The following CHD7 variants were observed in gnomAD, a reference collection of about 807,000 sequenced individuals.
CHD7 encodes the protein ATP-dependent chromatin remodeler CHD7.
In CHD7, 24 loss-of-function variants were observed where a neutral mutation model predicts 307.3. The observed-to-expected ratio is 0.08, with a 90% CI of 0.06 to 0.11. The LOEUF is 0.11. Ranked by LOEUF, CHD7 falls within the 10% of genes least tolerant of loss-of-function variation. The pLI, the probability that CHD7 is intolerant of heterozygous loss-of-function variation, is 1.00. For missense variants in CHD7, 3,106 were observed against 3,727.1 expected (o/e 0.83, Z 4.34); for synonymous variants, 1,363 against 1,349.9 (o/e 1.01, Z -0.21).
At chr8:60,743,508 C>T (rs1488656237) in intron 2 of CHD7, among the ~76,000 whole-genome samples, 2 of 152,182 alleles carry the variant, frequency 1.3e-5, no homozygotes, top group Non-Finnish European at 2.9e-5. Context: ...GTGGTAGTCT[C>T]CTCCATCTCT....
At chr8:60,748,418 G>T (rs1202984016) in intron 2 of CHD7, among the ~76,000 whole-genome samples, 1 of 152,298 alleles carries the variant, frequency 6.6e-6, no homozygotes, top group South Asian at 2.1e-4. Flanking sequence ...ATGGTCCTGG[G>T]CCCATGGCAC....
intron 1 of CHD7, among the ~76,000 whole-genome samples, chr8:60,707,361 C>T (rs1018965942): frequency 6.6e-6 from 1 of 152,188 alleles, no homozygotes; most frequent in Non-Finnish European, 1.5e-5. Flanking sequence ...AAGGAATTTG[C>T]TTGCTTTCCC....
At chr8:60,740,906 A>G (rs928227587) in intron 1 of CHD7, among the ~76,000 whole-genome samples, 1 of 152,172 alleles carries the variant, frequency 6.6e-6, no homozygotes, top group Non-Finnish European at 1.5e-5. Context: ...GCTTGGCTAT[A>G]TTCATACATC....
chr8:60,742,822 A>T lies in CHD7; in HGVS notation c.1390A>T (p.Met464Leu), dbSNP rs1316655280. ...NMQQSRPFIG[M>L]SSAPRELTGH... The stretch of plus-strand genomic sequence containing the variant: ...GCAGCAGTCTCGTCCATTTATAGGC[A>T]TGTCCTCGGCACCAAGGGAATTGAC... The change falls in exon 2 of 38, where the codon ATG becomes TTG. Residue 464 changes from methionine (M) to leucine (L), a missense_variant. Transcript: ENST00000423902. 6.2e-7 allele frequency: 1 copy of T among 1,613,718 alleles called. No homozygotes were observed. The highest frequency in any genetic ancestry group is 1.7e-5 in the Admixed American group (1 of 59,968).
At chr8:60,853,576 G>GAGATCTA in intron 31 of CHD7, 76 bp downstream of exon 31, 1 of 1,156,572 alleles carries the variant, frequency 8.6e-7, no homozygotes, top group South Asian at 2.0e-5. Context: ...TGGCAGCACG[G>GAGATCTA]CACCTGCTCT....
intron 2 of CHD7, among the ~76,000 whole-genome samples, chr8:60,771,992 G>A (rs542583642): frequency 3.3e-5 from 5 of 152,210 alleles, no homozygotes; most frequent in South Asian, 2.1e-4. Context: ...TTTTACCTTC[G>A]CTGTATTCTG....
chr8:60,766,185 T>C (rs1810461316), intron 2 of CHD7, among the ~76,000 whole-genome samples: 1 of 152,228 alleles, frequency 6.6e-6, no homozygotes, highest in African/African-American at 2.4e-5. Context: ...GGAGATATTT[T>C]GGCAAGAACT....
At chr8:60,790,448 T>G (rs1479315854) in intron 3 of CHD7, among the ~76,000 whole-genome samples, 1 of 152,218 alleles carries the variant, frequency 6.6e-6, no homozygotes, top group Admixed American at 6.5e-5. Flanking sequence ...TTCTGTTGGT[T>G]TTTTAAAAAA....
chr8:60,744,593 C>T (rs556868581), intron 2 of CHD7, among the ~76,000 whole-genome samples: 161 of 150,652 alleles, frequency 1.1e-3, no homozygotes, highest in Non-Finnish European at 4.4e-4. Context: ...TGGCTCATGC[C>T]TGCAATCCCA....
At position 60,742,815 on chromosome 8, in the gene CHD7, T is replaced by C; in HGVS notation, c.1383T>C (p.Phe461=). ...GAAACATGCAGCAGTCTCGTCCATTTATAGGCATGTCCTCGGCACCAAGGG... is the reference window on the plus strand; with the variant it reads ...GAAACATGCAGCAGTCTCGTCCATTCATAGGCATGTCCTCGGCACCAAGGG... ...GPRNMQQSRP[F]IGMSSAPREL... The change falls in exon 2 of 38, where the codon TTT becomes TTC. Residue 461 remains phenylalanine (F), a synonymous_variant. Transcript: ENST00000423902. 6.2e-7 allele frequency: 1 copy of C among 1,613,954 alleles called. No homozygotes were observed. The highest frequency in any genetic ancestry group is 8.5e-7 in the Non-Finnish European group (1 of 1,179,840).
intron 6 of CHD7, among the ~76,000 whole-genome samples, chr8:60,806,753 A>G (rs1812554623): frequency 6.6e-6 from 1 of 152,174 alleles, no homozygotes; most frequent in Non-Finnish European, 1.5e-5. Context: ...CTGTAATCCC[A>G]TCACTTTGGG....
rs547232542 is a variant in CHD7, at chr8:60,757,820, C to G, written c.1665+14723C>G. Among the ~76,000 whole-genome samples the G allele has an allele frequency of 5.3e-5, 8 of 152,324 alleles. No individual in the cohort carries two copies. The South Asian group carries it at 1.7e-3, about 32-fold the overall frequency. On this transcript the variant is annotated intron_variant, in intron 2 of 37. Transcript: ENST00000423902. The stretch of plus-strand genomic sequence containing the variant: ...GAGGCATGATTAGTATAAGAAAGAA[C>G]ACTTAACCTTCCTGCTACTAAGGCA...
At position 60,862,809 on chromosome 8, in the gene CHD7, T is replaced by TTCTTACATC. The variant is rs71559310; in HGVS notation, c.8076+157_8076+158insTCTTACATC. 3,023 of 522,550 alleles carry TTCTTACATC rather than the reference T, an allele frequency of 5.8e-3. 75 individuals carry two copies. The highest frequency in any genetic ancestry group is 0.05 in the African/African-American group (2,598 of 52,126). The allele number at this position is 522,550 out of a possible 1,614,324, so 32.4% of individuals were successfully genotyped here. On this transcript the variant is annotated intron_variant, in intron 37 of 37. Transcript: ENST00000423902. The stretch of plus-strand genomic sequence containing the variant: ...TTTCATACATCATTTCATACATCAT[T>TTCTTACATC]AATACATCATTAATCCAAAGTGAAT...
chr8:60,852,007 C>T lies in CHD7; in HGVS notation c.5666-12C>T. Reference sequence around the variant, plus strand: ...AGCTACACATTTCAAAAATGTTTTTCCACTTCCCCAGGCAAGCACAGTGAG... The same window carrying T: ...AGCTACACATTTCAAAAATGTTTTTTCACTTCCCCAGGCAAGCACAGTGAG... On this transcript the variant is annotated splice_polypyrimidine_tract_variant and intron_variant, in intron 28 of 37. Transcript: ENST00000423902. 1 of 1,585,002 alleles carries T rather than the reference C, an allele frequency of 6.3e-7. No homozygotes were observed. Among genetic ancestry groups the T allele is most frequent in the Non-Finnish European group, 8.6e-7 (1 of 1,160,818 alleles).
chr8:60,817,384 G>A (rs1054946722), intron 8 of CHD7, among the ~76,000 whole-genome samples: 3 of 152,176 alleles, frequency 2.0e-5, no homozygotes, highest in Non-Finnish European at 4.4e-5. Flanking sequence ...AGGAAAGTGG[G>A]ACAGAAGAGC....
At chr8:60,747,400 A>T (rs887908053) in intron 2 of CHD7, among the ~76,000 whole-genome samples, 8 of 152,166 alleles carry the variant, frequency 5.3e-5, no homozygotes, top group African/African-American at 1.9e-4. Flanking sequence ...AAAGTTTAAA[A>T]TATTGATTTG....
At chr8:60,719,977 G>A (rs147004202) in intron 1 of CHD7, among the ~76,000 whole-genome samples, 1 of 152,226 alleles carries the variant, frequency 6.6e-6, no homozygotes, top group African/African-American at 2.4e-5. Context: ...AGTAGGAAGT[G>A]AAAGCCCCCA....
chr8:60,695,369 C>G (rs1001195157), intron 1 of CHD7, among the ~76,000 whole-genome samples: 7 of 152,038 alleles, frequency 4.6e-5, no homozygotes, highest in Non-Finnish European at 5.9e-5. Context: ...TATAAATATC[C>G]TTATAACATT....
At chr8:60,828,603 T>C in intron 13 of CHD7, 60 bp from the exon 14 acceptor site, 1 of 1,495,702 alleles carries the variant, frequency 6.7e-7, no homozygotes, top group Non-Finnish European at 9.0e-7. Context: ...TGAGAGGCTC[T>C]GGTTTTAAGA....
Sources: gnomAD v4.1 joint callset for allele counts (sites outside exome capture counted in the v4.1 genomes callset) on GRCh38, gnomAD v4.1.1 for gene constraint, MANE v1.5 for transcripts, NCBI Gene and HGNC (gene_info 2026-07-23, HGNC 2026-07-21) for gene names.